The following MTMR4 variants were observed in gnomAD, a reference collection of about 807,000 sequenced individuals.
MTMR4 encodes the protein myotubularin related protein 4.
MTMR4 carries 30 observed loss-of-function variants against 125.5 expected under a neutral mutation model. The ratio of observed to expected loss-of-function variants is 0.24; its 90% CI spans 0.18 to 0.32. The LOEUF is 0.32. MTMR4 is among the 10% of genes least tolerant of loss of function. The probability of loss-of-function intolerance (pLI) is 1.00; values close to 1 mark genes in which losing one functional copy is unlikely to be tolerated. For synonymous variants in MTMR4, 498 were observed against 564.5 expected (o/e 0.88, Z 1.67); for missense variants, 1,039 against 1,511.5 (o/e 0.69, Z 5.18).
upstream of MTMR4, among the ~76,000 whole-genome samples, chr17:58,515,952 C>G (rs940851896): frequency 3.9e-5 from 6 of 152,212 alleles, no homozygotes; most frequent in African/African-American, 1.4e-4. Flanking sequence ...CCTCCTAGCT[C>G]TTAGGAGTTA....
Position 58,496,330 on chromosome 17 carries a change from T to C in MTMR4, c.1854A>G (p.Arg618=). Residue 618 remains arginine (R), a splice_region_variant and synonymous_variant, in exon 15 of 18, where the codon AGA becomes AGG. Transcript: ENST00000682306. The stretch of plus-strand genomic sequence containing the variant: ...CATCCATGGATCTGGTTTTAGGTAA[T>C]CTGGAAAGACAAATATAACACCTCC... ...SQEFSGRSLD[R]LPKTRSMDDL... 2 of 1,598,280 alleles carry C rather than the reference T, an allele frequency of 1.3e-6. No individual in the cohort carries two copies. Among genetic ancestry groups the C allele is most frequent in the Non-Finnish European group, 1.7e-6 (2 of 1,172,298 alleles).
chr17:58,491,619 C>T lies in MTMR4; in HGVS notation c.*44G>A, dbSNP rs1425875658. On this transcript the variant is annotated 3_prime_UTR_variant, in exon 18 of 18. Coordinates refer to ENST00000682306, the MANE Select transcript of MTMR4 (RefSeq NM_001378067.1). ...TTCCAAACTACAACTGAAGAAGATCCTCCCTTCAAACCTGCTAAAATTGGA... is the reference window on the plus strand; with the variant it reads ...TTCCAAACTACAACTGAAGAAGATCTTCCCTTCAAACCTGCTAAAATTGGA... 1 of 1,574,704 alleles carries T rather than the reference C, an allele frequency of 6.4e-7. No homozygotes were observed. The highest frequency in any genetic ancestry group is 2.3e-5 in the East Asian group (1 of 43,964).
intron 14 of MTMR4, among the ~76,000 whole-genome samples, chr17:58,496,787 A>G (rs1240717778): frequency 1.3e-5 from 2 of 152,242 alleles, no homozygotes; most frequent in East Asian, 1.9e-4. Context: ...AATTAGCTAC[A>G]TGACTACAAA....
chr17:58,497,135 A>C (rs1035647997), intron 14 of MTMR4, among the ~76,000 whole-genome samples: 2 of 152,242 alleles, frequency 1.3e-5, no homozygotes, highest in African/African-American at 4.8e-5. Context: ...TAGAGCAATG[A>C]AAACTTGAGT....
At chr17:58,516,973 A>G (rs548276490), upstream of MTMR4, among the ~76,000 whole-genome samples, 1 of 152,338 alleles carries the variant, frequency 6.6e-6, no homozygotes, top group South Asian at 2.1e-4. Context: ...AGGCTGCCCA[A>G]CTGGGGCTCA....
intron 10 of MTMR4, 144 bp from the exon 11 acceptor site, chr17:58,505,118 G>T: frequency 1.4e-6 from 1 of 737,504 alleles, no homozygotes; most frequent in Non-Finnish European, 2.2e-6. Flanking sequence ...TTGGACAAGA[G>T]GTATCTAGCA....
At chr17:58,502,915 C>A (rs889018589) in intron 14 of MTMR4, among the ~76,000 whole-genome samples, 1 of 152,138 alleles carries the variant, frequency 6.6e-6, no homozygotes, top group Non-Finnish European at 1.5e-5. Context: ...CATAAATTAA[C>A]CAACATCATC....
Position 58,512,700 on chromosome 17 carries a change from G to A in MTMR4, c.135+152C>T. The A allele has an allele frequency of 1.3e-6, 1 of 783,920 alleles. No individual in the cohort carries two copies. The highest frequency in any genetic ancestry group is 2.1e-6 in the Non-Finnish European group (1 of 476,538). The allele number at this position is 783,920 out of a possible 1,614,324, so 48.6% of individuals were successfully genotyped here. ...TCCTTCCCTGCGGCCAAAGGCTCCA[G>A]GATGCGCAGACAAACCCTCCTCCTC... On this transcript the variant is annotated intron_variant, in intron 2 of 17. Coordinates refer to ENST00000682306, the MANE Select transcript of MTMR4 (RefSeq NM_001378067.1). The surrounding 1 kb of genome is among the most constrained non-coding windows in gnomAD (Gnocchi z 4.1).
rs1975728575 is a variant in MTMR4, at chr17:58,504,635, C to T, written c.1341+144G>A. On this transcript the variant is annotated intron_variant, in intron 11 of 17. Coordinates refer to ENST00000682306, the MANE Select transcript of MTMR4 (RefSeq NM_001378067.1). The surrounding 1 kb of genome is among the most constrained non-coding windows in gnomAD (Gnocchi z 7.1). ...AGAGGACTCAAAGCCACCAATTTTCCAAGCCTTTGGGAGTTGGAAAAAAAA... is the reference window on the plus strand; with the variant it reads ...AGAGGACTCAAAGCCACCAATTTTCTAAGCCTTTGGGAGTTGGAAAAAAAA... The T allele has an allele frequency of 7.4e-7, 1 of 1,350,628 alleles. No individual in the cohort carries two copies. The highest frequency in any genetic ancestry group is 2.3e-5 in the East Asian group (1 of 43,122). The allele number at this position is 1,350,628 out of a possible 1,614,324, so 83.7% of individuals were successfully genotyped here. A position where few individuals can be genotyped will look rare whatever the true frequency, so the allele number is the denominator to read the frequency against.
At chr17:58,492,150 T>C (rs1975330395) in intron 17 of MTMR4, among the ~76,000 whole-genome samples, 1 of 152,194 alleles carries the variant, frequency 6.6e-6, no homozygotes, top group South Asian at 2.1e-4. Context: ...GTTCTATACA[T>C]ATGTATTACA....
chr17:58,494,906 G>A (rs1279024708), intron 15 of MTMR4, 26 bp downstream of exon 15: 1 of 1,597,196 alleles, frequency 6.3e-7, no homozygotes. Context: ...TAAATAATGG[G>A]TGTATGGCAG....
Position 58,511,509 on chromosome 17 carries a change from G to T in MTMR4, c.255C>A (p.Val85=), listed in dbSNP as rs373626519. 4.9e-5 allele frequency: 79 copies of T among 1,612,382 alleles called. No homozygotes were observed. The highest frequency in any genetic ancestry group is 6.4e-5 in the Non-Finnish European group (75 of 1,179,332). Residue 85 remains valine (V), a splice_region_variant and synonymous_variant, in exon 4 of 18, where the codon GTC becomes GTA. Coordinates refer to ENST00000682306, the MANE Select transcript of MTMR4 (RefSeq NM_001378067.1). ...HIKFKDSVIN[V]PLRMIDSVES... Reference sequence around the variant, plus strand: ...CCACACTGTCAATCATCCGGAGGGGGACCTGTAGAGGAAGGGCAAACTGAA... The same window carrying T: ...CCACACTGTCAATCATCCGGAGGGGTACCTGTAGAGGAAGGGCAAACTGAA...
intron 1 of MTMR4, 85 bp downstream of exon 1, chr17:58,514,278 A>C (rs957618177): frequency 1.5e-5 from 15 of 980,202 alleles, no homozygotes; most frequent in African/African-American, 1.8e-5. Context: ...GGGCCTCGGG[A>C]AGGGGGATGG....
chr17:58,516,825 G>T (rs1332888659), upstream of MTMR4, among the ~76,000 whole-genome samples: 3 of 152,360 alleles, frequency 2.0e-5, no homozygotes, highest in South Asian at 6.2e-4. Context: ...TGCAGGGCAT[G>T]AAGTCAGCCA....
In MTMR4 at chr17:58,492,582, T is replaced by C; in HGVS notation, c.3381A>G (p.Pro1127=). ...TATAGCAGTGTGATGCCATATGGTC[T>C]GGAACCCAGCGAGTCACCTAATAGA... is the stretch of plus-strand genomic sequence containing the variant. ...KKETEVTRWV[P]DHMASHCYNC... Residue 1127 remains proline, a synonymous_variant, in exon 17 of 18, where the codon CCA becomes CCG. Transcript: ENST00000682306. The C allele has an allele frequency of 1.2e-6, 2 of 1,614,070 alleles. No homozygotes were observed. The highest frequency in any genetic ancestry group is 1.1e-5 in the South Asian group (1 of 91,062).
chr17:58,511,540 G>C, intron 3 of MTMR4, 29 bp from the exon 4 acceptor site: 5 of 1,589,260 alleles, frequency 3.1e-6, no homozygotes, highest in Non-Finnish European at 4.3e-6. Flanking sequence ...CTGAAGCTCA[G>C]ACTCCCCACT....
Position 58,495,834 on chromosome 17 carries a change from T to C in MTMR4, c.2350A>G (p.Asn784Asp). 6.2e-7 allele frequency: 1 copy of C among 1,614,146 alleles called. No homozygotes were observed. The highest frequency in any genetic ancestry group is 8.5e-7 in the Non-Finnish European group (1 of 1,180,032). Reference sequence around the variant, plus strand: ...AAATTACAAACTCCATCACACTTGTTAGAAATGACCTTGGAGAGTGCACTG... The same window carrying C: ...AAATTACAAACTCCATCACACTTGTCAGAAATGACCTTGGAGAGTGCACTG... ...AVSALSKVISNKCDGVCNFPE... is the reference protein window; with the variant it reads ...AVSALSKVISDKCDGVCNFPE... Residue 784 changes from asparagine (N) to aspartate (D), a missense_variant, in exon 15 of 18, where the codon AAC (asparagine) becomes GAC (aspartate). Around this residue, in one of 6 missense-constraint regions of MTMR4, gnomAD observed 619 missense variants for 714.5 expected, o/e 0.87. Transcript: ENST00000682306.
At chr17:58,513,646 G>A (rs11869483) in intron 1 of MTMR4, among the ~76,000 whole-genome samples, 5,224 of 152,020 alleles carry the variant, frequency 0.034, 141 homozygotes, top group Non-Finnish European at 0.053. Context: ...GAGGGGACCC[G>A]GGGGGATCCA....
chr17:58,505,603 G>A lies in MTMR4; in HGVS notation c.1034-20C>T, dbSNP rs753344807. ...AGTACTCTGTAGACATGACAGGAGA[G>A]TGGGACATAAAAGCACGTCCTAGGC... is the stretch of plus-strand genomic sequence containing the variant. On this transcript the variant is annotated intron_variant, in intron 9 of 17. Coordinates refer to ENST00000682306, the MANE Select transcript of MTMR4 (RefSeq NM_001378067.1). 6 of 1,590,684 alleles carry A rather than the reference G, an allele frequency of 3.8e-6. No individual in the cohort carries two copies. The highest frequency in any genetic ancestry group is 5.2e-6 in the Non-Finnish European group (6 of 1,161,582).
Sources: allele counts gnomAD v4.1 joint callset (sites outside exome capture counted in the v4.1 genomes callset), GRCh38; gene constraint gnomAD v4.1.1; regional missense constraint gnomAD v4.1.1; non-coding constraint Gnocchi (gnomAD v3.1); transcripts MANE v1.5; gene names NCBI Gene and HGNC (gene_info 2026-07-23, HGNC 2026-07-21).